Variants in EEIG1 observed in about 807,000 individuals in gnomAD.
EEIG1 encodes early estrogen-induced gene 1 protein.
At chr9:127,971,883 C>T in the EEIG1 span, among the ~76,000 whole-genome samples, 8 of 152,284 alleles carry the variant, frequency 5.3e-5, no homozygotes, top group Admixed American at 2.6e-4. Context: ...GGGAAGGGAA[C>T]TTGAGGAAGA....
At chr9:127,960,110 A>G in the EEIG1 span, among the ~76,000 whole-genome samples, 1 of 152,222 alleles carries the variant, frequency 6.6e-6, no homozygotes, top group African/African-American at 2.4e-5. Context: ...GAGTGCAGGT[A>G]GCGATGAGGT....
the EEIG1 span, chr9:127,950,565 A>C: frequency 6.2e-6 from 10 of 1,609,042 alleles, no homozygotes; most frequent in Non-Finnish European, 8.5e-6. Context: ...AGCGTGTGGG[A>C]GGGCTGAGGG....
chr9:127,968,702 T>C, the EEIG1 span, among the ~76,000 whole-genome samples: 1 of 152,196 alleles, frequency 6.6e-6, no homozygotes, highest in East Asian at 1.9e-4. Flanking sequence ...TAAGGTTCCC[T>C]GGACTTCTGA....
the EEIG1 span, chr9:127,950,352 G>A: frequency 2.0e-6 from 3 of 1,491,634 alleles, no homozygotes; most frequent in African/African-American, 4.1e-5. Flanking sequence ...TCCTCCAGAG[G>A]ATTCTGATGA....
the EEIG1 span, among the ~76,000 whole-genome samples, chr9:127,962,678 A>G: frequency 1.3e-5 from 2 of 152,226 alleles, no homozygotes; most frequent in African/African-American, 4.8e-5. Flanking sequence ...CAGAAAGAGG[A>G]AAGTGTAAAA....
chr9:127,966,777 G>C, the EEIG1 span, among the ~76,000 whole-genome samples: 2 of 152,206 alleles, frequency 1.3e-5, no homozygotes, highest in South Asian at 4.1e-4. Flanking sequence ...TGTGTGCCAA[G>C]TAATTCTCAA....
the EEIG1 span, among the ~76,000 whole-genome samples, chr9:127,977,525 G>A: frequency 6.6e-6 from 1 of 152,114 alleles, no homozygotes; most frequent in Non-Finnish European, 1.5e-5. Flanking sequence ...TCACACACAG[G>A]CCCCCTGCTG....
At chr9:127,950,286 G>T in the EEIG1 span, 21 of 815,432 alleles carry the variant, frequency 2.6e-5, no homozygotes, top group East Asian at 5.5e-4. Context: ...TGATTCCAGG[G>T]CTCGCCCCTT....
chr9:127,964,941 T>G, the EEIG1 span, among the ~76,000 whole-genome samples: 1 of 151,614 alleles, frequency 6.6e-6, no homozygotes, highest in East Asian at 1.9e-4. Context: ...AAACCCCACC[T>G]CTACTAAAAA....
chr9:127,950,351 G>T, the EEIG1 span: 1 of 1,489,204 alleles, frequency 6.7e-7, no homozygotes, highest in Non-Finnish European at 9.3e-7. Flanking sequence ...CTCCTCCAGA[G>T]GATTCTGATG....
the EEIG1 span, among the ~76,000 whole-genome samples, chr9:127,969,861 T>C: frequency 3.5e-4 from 54 of 152,262 alleles, 1 homozygote; most frequent in East Asian, 8.9e-3. Flanking sequence ...AAAAGGTGCC[T>C]CATTTTTGTC....
chr9:127,949,118 A>G, the EEIG1 span, among the ~76,000 whole-genome samples: 2 of 152,082 alleles, frequency 1.3e-5, no homozygotes, highest in African/African-American at 2.4e-5. Context: ...GCTCGAGACC[A>G]TCCTGGCTAA....
the EEIG1 span, among the ~76,000 whole-genome samples, chr9:127,974,719 C>T: frequency 8.5e-5 from 13 of 152,204 alleles, no homozygotes; most frequent in African/African-American, 3.1e-4. Context: ...GAAGCTTTCA[C>T]GATGCCCACC....
the EEIG1 span, chr9:127,953,212 G>A: frequency 7.0e-3 from 1,834 of 261,570 alleles, 67 homozygotes; most frequent in East Asian, 0.085. Flanking sequence ...TAAACCACAC[G>A]CATACATTTT....
At chr9:127,963,944 G>A in the EEIG1 span, among the ~76,000 whole-genome samples, 11 of 152,186 alleles carry the variant, frequency 7.2e-5, no homozygotes, top group East Asian at 1.9e-4. Context: ...GCAGGAGGCC[G>A]AGAAGCCTCC....
the EEIG1 span, chr9:127,950,780 C>T: frequency 2.5e-6 from 3 of 1,205,424 alleles, no homozygotes; most frequent in Admixed American, 3.5e-5. Context: ...ACCCTTTGTG[C>T]CACGTCCCGG....
chr9:127,966,545 T>C, the EEIG1 span, among the ~76,000 whole-genome samples: 1 of 151,988 alleles, frequency 6.6e-6, no homozygotes, highest in Non-Finnish European at 1.5e-5. Context: ...CAGAGTCAGG[T>C]TGTGCAGATG....
chr9:127,949,646 G>C, the EEIG1 span, among the ~76,000 whole-genome samples: 3 of 152,176 alleles, frequency 2.0e-5, no homozygotes, highest in Non-Finnish European at 4.4e-5. Flanking sequence ...CTCTGCAAAG[G>C]GTCTAGGAGG....
At chr9:127,952,871 A>G in the EEIG1 span, among the ~76,000 whole-genome samples, 1,949 of 151,982 alleles carry the variant, frequency 0.013, 118 homozygotes, top group East Asian at 0.2. Flanking sequence ...GCACCACCAC[A>G]CCTGGTTAAT....
Sources: allele counts gnomAD v4.1 joint callset (sites outside exome capture counted in the v4.1 genomes callset), GRCh38; gene constraint gnomAD v4.1.1; transcripts MANE v1.5; gene names NCBI Gene and HGNC (gene_info 2026-07-23, HGNC 2026-07-21).